FLT3: variants seen among roughly 807,000 people sequenced by gnomAD.
The protein encoded by FLT3 is fms related receptor tyrosine kinase 3, also known as receptor-type tyrosine-protein kinase FLT3.
Under a neutral mutation model 126.6 loss-of-function variants are expected in FLT3, and 46 were observed. That is an observed-to-expected ratio of 0.36 (90% confidence interval 0.29 to 0.46). FLT3 has a LOEUF of 0.46. Ranked by LOEUF, FLT3 falls within the 20% of genes least tolerant of loss-of-function variation. The pLI is 1.00. For missense variants in FLT3, 1,069 were observed against 1,190.3 expected, an observed-to-expected ratio of 0.90 and a Z score of 1.50; for synonymous variants, 404 against 434.4, an observed-to-expected ratio of 0.93 and a Z score of 0.87.
intron 23 of FLT3, among the ~76,000 whole-genome samples, chr13:28,007,749 T>G (rs1346318564): frequency 6.6e-6 from 1 of 152,204 alleles, no homozygotes; most frequent in African/African-American, 2.4e-5. Flanking sequence ...AAAGGGATAA[T>G]AATAGAACCT....
chr13:28,042,027 G>T (rs769359798), intron 9 of FLT3, among the ~76,000 whole-genome samples: 1 of 151,748 alleles, frequency 6.6e-6, no homozygotes, highest in Non-Finnish European at 1.5e-5. Context: ...GGTGGCACAC[G>T]CCTGTAATCC....
rs967108282 is a variant in FLT3, at chr13:28,028,238, T to C, written c.1993A>G (p.Met665Val). 4 of 1,612,170 alleles carry C rather than the reference T, an allele frequency of 2.5e-6. No individual in the cohort carries two copies. Among genetic ancestry groups the C allele is most frequent in the Non-Finnish European group, 3.4e-6 (4 of 1,178,236 alleles). ...REALMSELKM[M>V]TQLGSHENIV... ...TTCTCGTGGCTTCCCAGCTGGGTCA[T>C]CATCTTGAGTTCTGACATGAGTGCC... is the stretch of plus-strand genomic sequence containing the variant. Residue 665 changes from methionine to valine, a missense_variant, in exon 16 of 24, where the codon ATG becomes GTG. Transcript: ENST00000241453.
At chr13:28,012,143 G>A (rs1346744611) in intron 23 of FLT3, among the ~76,000 whole-genome samples, 1 of 152,196 alleles carries the variant, frequency 6.6e-6, no homozygotes, top group East Asian at 1.9e-4. Context: ...TTTTCTCTGG[G>A]TGCTTCTGAC....
chr13:28,037,285 T>C lies in FLT3; in HGVS notation c.1209A>G (p.Ile403Met), dbSNP rs1455153668. ...GGTGCTTATGATTGCAAAACTTGGATATGCTGTTTGAAAAAGAATTAAAGA... is the reference window on the plus strand; with the variant it reads ...GGTGCTTATGATTGCAAAACTTGGACATGCTGTTTGAAAAAGAATTAAAGA... ...EQKGLDNGYS[I>M]SKFCNHKHQP... Residue 403 changes from isoleucine to methionine, a missense_variant, in exon 10 of 24, where the codon ATA becomes ATG. Ile to Met is a conservative substitution (Grantham distance 10). Coordinates refer to ENST00000241453, the MANE Select transcript of FLT3 (RefSeq NM_004119.3). 1 of 1,595,702 alleles carries C rather than the reference T, an allele frequency of 6.3e-7. No individual in the cohort carries two copies. Among genetic ancestry groups the C allele is most frequent in the Non-Finnish European group, 8.6e-7 (1 of 1,164,066 alleles).
chr13:28,086,796 A>G (rs948535497), intron 1 of FLT3, among the ~76,000 whole-genome samples: 1 of 151,960 alleles, frequency 6.6e-6, no homozygotes, highest in African/African-American at 2.4e-5. Flanking sequence ...ACAAACTTGC[A>G]CAATCAAACC....
At chr13:28,093,366 T>C (rs957379544) in intron 1 of FLT3, among the ~76,000 whole-genome samples, 2 of 152,140 alleles carry the variant, frequency 1.3e-5, no homozygotes, top group Non-Finnish European at 2.9e-5. Context: ...CAGAGACTCT[T>C]GGTCTACATG....
At chr13:28,019,227 A>G (rs920194123) in intron 19 of FLT3, among the ~76,000 whole-genome samples, 1 of 152,148 alleles carries the variant, frequency 6.6e-6, no homozygotes, top group African/African-American at 2.4e-5. Context: ...TCGGCCTCCC[A>G]AAATGCTGGG....
chr13:28,081,545 T>C (rs1878308191), intron 1 of FLT3, among the ~76,000 whole-genome samples: 1 of 152,232 alleles, frequency 6.6e-6, no homozygotes, highest in Non-Finnish European at 1.5e-5. Flanking sequence ...ATGTTGTCTG[T>C]AAATAAAGAG....
Position 28,100,414 on chromosome 13 carries a change from G to T in FLT3, c.43+54C>A, listed in dbSNP as rs1230584231. On this transcript the variant is annotated intron_variant, in intron 1 of 23. Transcript: ENST00000241453. The surrounding 1 kb of genome is among the most constrained non-coding windows in gnomAD (Gnocchi z 4.8). ...AGGCGCGCGCCCGGGTCCACACTGC[G>T]GGGTGGGGGCTGAGGGACCGCGAGG... 1 of 1,183,782 alleles carries T rather than the reference G, an allele frequency of 8.4e-7. No homozygotes were observed. Among genetic ancestry groups the T allele is most frequent in the Non-Finnish European group, 1.1e-6 (1 of 948,512 alleles). 73.3% of individuals were successfully genotyped at this position (1,183,782 alleles called of 1,614,324 possible). A position where few individuals can be genotyped will look rare whatever the true frequency, so the allele number is the denominator to read the frequency against.
chr13:28,033,748 C>T (rs1873567415), intron 15 of FLT3, 139 bp downstream of exon 15: 4 of 692,000 alleles, frequency 5.8e-6, no homozygotes, highest in Non-Finnish European at 1.0e-5. Flanking sequence ...GGGTTGACAC[C>T]CCAATCCACT....
In FLT3 at chr13:28,052,568, C is replaced by T. The variant is rs1875613235; in HGVS notation, c.591G>A (p.Val197=). ...ESVPEPIVEW[V]LCDSQGESCK... ...ACCTTTCCCCCTGTGAATCGCAAAG[C>T]ACCCATTCCACGATCGGCTCTGGAA... The change falls in exon 5 of 24, where the codon GTG becomes GTA. Residue 197 remains valine (V), a synonymous_variant. Transcript: ENST00000241453. 1 of 1,613,298 alleles carries T rather than the reference C, an allele frequency of 6.2e-7. No homozygotes were observed. The highest frequency in any genetic ancestry group is 8.5e-7 in the Non-Finnish European group (1 of 1,179,622).
Position 28,023,442 on chromosome 13 carries a change from C to T in FLT3, c.2326G>A (p.Glu776Lys), listed in dbSNP as rs1268548071. 1.2e-6 allele frequency: 2 copies of T among 1,613,826 alleles called. No homozygotes were observed. Among genetic ancestry groups the T allele is most frequent in the Non-Finnish European group, 8.5e-7 (1 of 1,179,904 alleles). The change falls in exon 19 of 24, where the codon GAA becomes AAA. Residue 776 changes from glutamate to lysine, a missense_variant. Glu to Lys is a moderately conservative substitution (Grantham distance 56). Transcript: ENST00000241453. ...GTAAGCACATTCAAGTCCTCCTCTT[C>T]TTCCAGCCTTTTTTGGTTTTCATAT... ...IEYENQKRLEEEEDLNVLTFE... is the reference protein window; with the variant it reads ...IEYENQKRLEKEEDLNVLTFE...
intron 23 of FLT3, among the ~76,000 whole-genome samples, chr13:28,007,262 T>G (rs1870988294): frequency 6.6e-6 from 1 of 152,182 alleles, no homozygotes; most frequent in Non-Finnish European, 1.5e-5. Context: ...TTTTTTCTTT[T>G]TCAAGACAGG....
intron 23 of FLT3, among the ~76,000 whole-genome samples, chr13:28,010,111 TTTTC>T (rs1294282370): frequency 1.3e-5 from 2 of 152,140 alleles, no homozygotes; most frequent in African/African-American, 2.4e-5. Flanking sequence ...TATGCTCTCT[TTTTC>T]TTTCTCATTC....
At chr13:28,031,337 T>C (rs568462953) in intron 15 of FLT3, among the ~76,000 whole-genome samples, 1 of 152,268 alleles carries the variant, frequency 6.6e-6, no homozygotes, top group East Asian at 1.9e-4. Context: ...ATTCAATGTC[T>C]AAACTGAGTC....
intron 9 of FLT3, among the ~76,000 whole-genome samples, chr13:28,038,736 A>T (rs1279247929): frequency 6.6e-6 from 1 of 152,114 alleles, no homozygotes; most frequent in Non-Finnish European, 1.5e-5. Context: ...TACATGCATG[A>T]GCCACTGCGC....
chr13:28,040,549 C>T (rs1289610774), intron 9 of FLT3, among the ~76,000 whole-genome samples: 1 of 152,190 alleles, frequency 6.6e-6, no homozygotes, highest in African/African-American at 2.4e-5. Context: ...AAAAAAAATC[C>T]ACAAAACGCC....
intron 3 of FLT3, among the ~76,000 whole-genome samples, chr13:28,059,470 C>T (rs1876342026): frequency 1.3e-5 from 2 of 152,172 alleles, no homozygotes; most frequent in South Asian, 2.1e-4. Context: ...GGACATTACC[C>T]ACACATCTTG....
intron 9 of FLT3, among the ~76,000 whole-genome samples, chr13:28,039,480 C>T (rs1166179952): frequency 2.0e-5 from 3 of 151,506 alleles, no homozygotes; most frequent in Non-Finnish European, 2.9e-5. Context: ...GGATGAATTA[C>T]GCATTTTAAA....
Sources: gnomAD v4.1 joint callset for allele counts (sites outside exome capture counted in the v4.1 genomes callset) on GRCh38, gnomAD v4.1.1 for gene constraint, Gnocchi (gnomAD v3.1) non-coding constraint, MANE v1.5 for transcripts, NCBI Gene and HGNC (gene_info 2026-07-23, HGNC 2026-07-21) for gene names.